KDM5C: variants seen among roughly 807,000 people sequenced by gnomAD.
The protein encoded by KDM5C is lysine-specific demethylase 5C.
Under a neutral mutation model 110.6 loss-of-function variants are expected in KDM5C, and 16 were observed. The ratio of observed to expected loss-of-function variants is 0.14; its 90% CI spans 0.10 to 0.22. The LOEUF is 0.22. Among genes scored for constraint, KDM5C ranks in the 10% least tolerant of loss-of-function variants. The pLI is 1.00. For missense variants in KDM5C, 681 were observed against 1,300.9 expected (o/e 0.52, Z 7.33); for synonymous variants, 511 against 520.4 (o/e 0.98, Z 0.24).
intron 2 of KDM5C, among the ~76,000 whole-genome samples, chrX:53,220,191 C>T (rs2073857971): frequency 2.7e-5 from 3 of 111,672 alleles, no homozygotes; most frequent in South Asian, 7.5e-4. Flanking sequence ...CAGGATCTTA[C>T]GTGGAACTGG....
rs189088375 is a variant in KDM5C, at chrX:53,183,307, A to G, written c.4309-6685T>C. 3.9e-3 allele frequency among the ~76,000 whole-genome samples: 412 copies of G among 104,368 alleles called. 5 individuals are homozygous for G. Among genetic ancestry groups the G allele is most frequent in the African/African-American group, 0.014 (395 of 28,675 alleles). The allele number at this position is 104,368 out of a possible 115,157, so 90.6% of individuals were successfully genotyped here. On this transcript the variant is annotated intron_variant, in intron 25 of 25. Transcript: ENST00000685641. ...AAAAATTAGCTGGGTGTATTGGCACATGCCTTTTAAATCCCACCTACTTGG... is the reference window on the plus strand; with the variant it reads ...AAAAATTAGCTGGGTGTATTGGCACGTGCCTTTTAAATCCCACCTACTTGG...
chrX:53,220,136 G>A (rs1214476587), intron 2 of KDM5C, among the ~76,000 whole-genome samples: 1 of 111,838 alleles, frequency 8.9e-6, no homozygotes, highest in East Asian at 2.8e-4. Context: ...TAATGGGGGA[G>A]GGAGTGGCAA....
rs2073047074 is a variant in KDM5C, at chrX:53,198,685, G to A, written c.2369-48C>T. On this transcript the variant is annotated intron_variant, in intron 16 of 25. Coordinates refer to ENST00000375401, the MANE Select transcript of KDM5C (RefSeq NM_004187.5). ...AAAGAGTAGGCAGTATTGAATAGAG[G>A]CAGAGGAAGGGGGTCAGAGTACAGA... 5 of 1,211,021 alleles carry A rather than the reference G, an allele frequency of 4.1e-6. No homozygotes were observed. In the African/African-American group the frequency reaches 6.9e-5, roughly 17 times the overall value.
chrX:53,218,469 G>A, intron 2 of KDM5C, 71 bp from the exon 3 acceptor site: 1 of 1,123,662 alleles, frequency 8.9e-7, no homozygotes, highest in Non-Finnish European at 1.2e-6. Context: ...TCCAGTCTTA[G>A]GGGAGAACAG....
intron 7 of KDM5C, chrX:53,215,145 A>T (rs1339569184): frequency 2.3e-6 from 1 of 441,669 alleles, no homozygotes; most frequent in African/African-American, 2.4e-5. Flanking sequence ...CTCTAGAGAC[A>T]TGTGTTCATA....
At position 53,194,989 on chromosome X, in the gene KDM5C, T is replaced by C. The variant is rs782201107; in HGVS notation, c.3380A>G (p.Lys1127Arg). Residue 1127 changes from lysine (K) to arginine (R), a missense_variant, in exon 22 of 26, where the codon AAA (lysine) becomes AGA (arginine). Physicochemically the swap from Lys to Arg is conservative, Grantham distance 26. Transcript: ENST00000375401. Reference sequence around the variant, plus strand: ...CAGCCCCAGCAGCTCTGTGTCAGATTTGTACAACCCCAGCTCCTTCTCCAT... The same window carrying C: ...CAGCCCCAGCAGCTCTGTGTCAGATCTGTACAACCCCAGCTCCTTCTCCAT... ...RWMEKELGLY[K>R]SDTELLGLSA... 1 of 1,210,939 alleles carries C rather than the reference T, an allele frequency of 8.3e-7. No individual in the cohort carries two copies. The highest frequency in any genetic ancestry group is 3.0e-5 in the East Asian group (1 of 33,792).
At chrX:53,224,420 C>T (rs1226486339) in intron 1 of KDM5C, among the ~76,000 whole-genome samples, 1 of 111,729 alleles carries the variant, frequency 9.0e-6, no homozygotes, top group African/African-American at 3.3e-5. Flanking sequence ...ACAGCCTCGA[C>T]CTAGGTGGCC....
intron 25 of KDM5C, among the ~76,000 whole-genome samples, chrX:53,186,236 G>A (rs1346299261): frequency 1.8e-5 from 2 of 111,904 alleles, no homozygotes; most frequent in African/African-American, 3.2e-5. Context: ...ATGGCATAAA[G>A]GGGAGGAGGA....
In KDM5C at chrX:53,193,467, T is replaced by C; in HGVS notation, c.4287A>G (p.Pro1429=). The change falls in exon 25 of 26, where the codon CCA becomes CCG. Residue 1429 remains proline, a synonymous_variant. Transcript: ENST00000375401. ...GAAGTGTGCGGATCCTCTCCAGGTC[T>C]GGGGGCTGTCCAGCCTGCAGCAGCT... The part of the protein sequence containing the change: ...IWQLLQAGQP[P]DLERIRTLLE... 1 of 1,211,786 alleles carries C rather than the reference T, an allele frequency of 8.3e-7. No individual in the cohort carries two copies. Among genetic ancestry groups the C allele is most frequent in the Admixed American group, 2.2e-5 (1 of 46,055 alleles).
chrX:53,205,698 T>G lies in KDM5C; in HGVS notation c.1747-3725A>C, dbSNP rs1308876744. On this transcript the variant is annotated intron_variant, in intron 12 of 25. Coordinates refer to ENST00000375401, the MANE Select transcript of KDM5C (RefSeq NM_004187.5). Reference sequence around the variant, plus strand: ...TGCTCTTTTGCAGCACCTTTAATGCTTTATTCCACTTATTTACTCCTCTGT... The same window carrying G: ...TGCTCTTTTGCAGCACCTTTAATGCGTTATTCCACTTATTTACTCCTCTGT... 2.7e-5 allele frequency among the ~76,000 whole-genome samples: 3 copies of G among 111,887 alleles called. No individual in the cohort carries two copies. The East Asian group carries it at 8.3e-4, about 31-fold the overall frequency.
In KDM5C at chrX:53,194,966, G is replaced by A. The variant is rs2146825974; in HGVS notation, c.3403C>T (p.Leu1135=). 2 of 1,211,064 alleles carry A rather than the reference G, an allele frequency of 1.7e-6. No individual in the cohort carries two copies. Among genetic ancestry groups the A allele is most frequent in the Non-Finnish European group, 2.2e-6 (2 of 895,137 alleles). Reference sequence around the variant, plus strand: ...GGGTCCCTGAGGTCCTGCGCAGACAGCCCCAGCAGCTCTGTGTCAGATTTG... The same window carrying A: ...GGGTCCCTGAGGTCCTGCGCAGACAACCCCAGCAGCTCTGTGTCAGATTTG... The part of the protein sequence containing the change: ...LYKSDTELLG[L]SAQDLRDPGS... The change falls in exon 22 of 26, where the codon CTG becomes TTG. Residue 1135 remains leucine, a synonymous_variant. Transcript: ENST00000375401.
rs1393926887 is a variant in KDM5C, at chrX:53,194,263, A to G, written c.3914T>C (p.Leu1305Ser). Residue 1305 changes from leucine to serine, a missense_variant, in exon 23 of 26, where the codon TTG becomes TCG. By Grantham distance (145) the Leu-to-Ser change is moderately radical. Around this residue, in one of 14 missense-constraint regions of KDM5C, gnomAD observed 88 missense variants for 85.6 expected, o/e 1.03. Transcript: ENST00000375401. Reference protein sequence around the residue: ...ALASEDVTALLGRLAELRQRL... With the variant: ...ALASEDVTALSGRLAELRQRL... ...TTGGCGGAGCTCAGCCAGCCGTCCC[A>G]AAAGAGCAGTCACATCTTCAGAGGC... is the stretch of plus-strand genomic sequence containing the variant. The G allele has an allele frequency of 8.2e-7, 1 of 1,212,199 alleles. No homozygotes were observed. Among genetic ancestry groups the G allele is most frequent in the South Asian group, 1.8e-5 (1 of 57,012 alleles).
At chrX:53,218,176 T>C (rs1277831830) in intron 3 of KDM5C, 100 bp downstream of exon 3, 10 of 1,029,648 alleles carry the variant, frequency 9.7e-6, no homozygotes, top group South Asian at 1.9e-5. Flanking sequence ...GCCCCTTCCA[T>C]TGCAGCCTAA....
At chrX:53,187,737 T>C (rs1417422773), downstream of KDM5C, among the ~76,000 whole-genome samples, 1 of 101,264 alleles carries the variant, frequency 9.9e-6, no homozygotes, top group Non-Finnish European at 2.0e-5. Flanking sequence ...CTCGTCTCTA[T>C]AACAAAATAA....
At chrX:53,189,334 G>A (rs782488800), downstream of KDM5C, among the ~76,000 whole-genome samples, 4 of 112,058 alleles carry the variant, frequency 3.6e-5, no homozygotes, top group African/African-American at 1.3e-4. Flanking sequence ...ACAGAGATTT[G>A]GTGAAAATCC....
chrX:53,218,151 G>A, intron 3 of KDM5C, 125 bp downstream of exon 3: 1 of 916,362 alleles, frequency 1.1e-6, no homozygotes, highest in Non-Finnish European at 1.6e-6. Flanking sequence ...GACAGCTTGT[G>A]TGCTACCAAG....
At chrX:53,202,124 G>A (rs782388293) in intron 12 of KDM5C, 151 bp from the exon 13 acceptor site, 78 of 627,600 alleles carry the variant, frequency 1.2e-4, no homozygotes, top group Non-Finnish European at 1.3e-4. Context: ...TGAAAGGAAG[G>A]ACCACTGGTC....
chrX:53,181,561 A>G (rs1934048757), intron 25 of KDM5C, among the ~76,000 whole-genome samples: 2 of 108,387 alleles, frequency 1.8e-5, no homozygotes, highest in African/African-American at 6.7e-5. Context: ...TGTATGTCCC[A>G]GGAAGTAAAG....
intron 12 of KDM5C, among the ~76,000 whole-genome samples, chrX:53,203,069 G>C (rs1251861036): frequency 9.0e-6 from 1 of 111,185 alleles, no homozygotes; most frequent in Non-Finnish European, 1.9e-5. Context: ...GCCTCCCAAA[G>C]TGCTGGGATT....
Sources: gnomAD v4.1 joint callset for allele counts (sites outside exome capture counted in the v4.1 genomes callset) on GRCh38, gnomAD v4.1.1 for gene constraint, gnomAD v4.1.1 regional missense constraint, MANE v1.5 for transcripts, NCBI Gene and HGNC (gene_info 2026-07-23, HGNC 2026-07-21) for gene names.